Variants in YWHAE observed in about 807,000 individuals in gnomAD.
YWHAE encodes 14-3-3 protein epsilon.
YWHAE carries 4 observed loss-of-function variants against 30.1 expected under a neutral mutation model. The observed-to-expected ratio is 0.13, with a 90% CI of 0.07 to 0.30. The LOEUF (loss-of-function observed/expected upper bound fraction) is 0.30. YWHAE is among the 10% of genes least tolerant of loss of function. The pLI is 1.00. For synonymous variants in YWHAE, 118 were observed against 111.8 expected, an observed-to-expected ratio of 1.06 and a Z score of -0.35; for missense variants, 121 against 315.9, an observed-to-expected ratio of 0.38 and a Z score of 4.68.
chr17:1,365,991 G>GA (rs397830750), intron 1 of YWHAE, among the ~76,000 whole-genome samples: 3 of 151,548 alleles, frequency 2.0e-5, no homozygotes, highest in African/African-American at 7.3e-5. Flanking sequence ...GGCCGAGGTG[G>GA]CACATCACCA....
At chr17:1,395,082 C>T (rs1046885922) in intron 1 of YWHAE, among the ~76,000 whole-genome samples, 2 of 151,676 alleles carry the variant, frequency 1.3e-5, no homozygotes, top group African/African-American at 4.8e-5. Context: ...GTCACCCTTA[C>T]AGTCATCCAT....
intron 1 of YWHAE, chr17:1,399,298 G>A (rs1166980591): frequency 6.6e-6 from 1 of 152,114 alleles, no homozygotes; most frequent in African/African-American, 2.4e-5. Flanking sequence ...GGATTTTCTG[G>A]GCCTCCCCAG....
At chr17:1,363,144 C>G (rs1472751178) in intron 2 of YWHAE, among the ~76,000 whole-genome samples, 2 of 152,146 alleles carry the variant, frequency 1.3e-5, no homozygotes, top group Admixed American at 6.5e-5. Flanking sequence ...CCATGCTGCT[C>G]CATACTAGAA....
chr17:1,391,230 T>C (rs2073385725), intron 1 of YWHAE, among the ~76,000 whole-genome samples: 1 of 152,034 alleles, frequency 6.6e-6, no homozygotes, highest in Admixed American at 6.6e-5. Context: ...GGGAGGGAGC[T>C]AGGAGGAGGA....
intron 1 of YWHAE, among the ~76,000 whole-genome samples, chr17:1,366,071 C>T (rs1406107645): frequency 2.0e-5 from 3 of 151,886 alleles, no homozygotes; most frequent in Non-Finnish European, 4.4e-5. Context: ...CAAAAATTAG[C>T]TGGGCGTGGT....
At chr17:1,360,536 C>A (rs921747590) in intron 4 of YWHAE, among the ~76,000 whole-genome samples, 2 of 151,984 alleles carry the variant, frequency 1.3e-5, no homozygotes, top group Non-Finnish European at 2.9e-5. Flanking sequence ...CGAAGGCGGG[C>A]GGATCACTTG....
chr17:1,355,017 C>G (rs375936621), intron 4 of YWHAE, among the ~76,000 whole-genome samples: 1 of 111,712 alleles, frequency 9.0e-6, no homozygotes, highest in African/African-American at 3.3e-5. Flanking sequence ...GTTATGTTGC[C>G]CAGGCTGGAC....
intron 1 of YWHAE, 74 bp from the exon 2 acceptor site, chr17:1,365,132 T>G (rs553277103): frequency 6.8e-7 from 1 of 1,478,624 alleles, no homozygotes; most frequent in Non-Finnish European, 9.2e-7. Context: ...AAGTAGTTTT[T>G]TTCTGTCAAG....
At chr17:1,386,618 A>G (rs2073303609) in intron 1 of YWHAE, among the ~76,000 whole-genome samples, 2 of 152,200 alleles carry the variant, frequency 1.3e-5, no homozygotes, top group Admixed American at 1.3e-4. Context: ...TACTCTTCAT[A>G]TACCAGCCTA....
At chr17:1,364,819 A>G (rs748961483) in intron 2 of YWHAE, 40 bp downstream of exon 2, 7 of 1,612,692 alleles carry the variant, frequency 4.3e-6, no homozygotes, top group East Asian at 4.5e-5. Flanking sequence ...CAGGTAACTC[A>G]AACTGTGGAT....
intron 2 of YWHAE, among the ~76,000 whole-genome samples, chr17:1,362,990 C>A (rs546117829): frequency 6.7e-4 from 102 of 152,258 alleles, no homozygotes; most frequent in Admixed American, 1.1e-3. Context: ...CAATAGATCT[C>A]TACACCCTTC....
At chr17:1,393,053 G>A (rs549980937) in intron 1 of YWHAE, among the ~76,000 whole-genome samples, 1 of 151,490 alleles carries the variant, frequency 6.6e-6, no homozygotes, top group Non-Finnish European at 1.5e-5. Flanking sequence ...AAACACAAAA[G>A]AAATTAGCTG....
At chr17:1,389,810 G>A (rs1012259813) in intron 1 of YWHAE, among the ~76,000 whole-genome samples, 1 of 151,686 alleles carries the variant, frequency 6.6e-6, no homozygotes, top group Non-Finnish European at 1.5e-5. Flanking sequence ...GATTACAGCC[G>A]TGAGCCACCG....
intron 2 of YWHAE, among the ~76,000 whole-genome samples, chr17:1,362,251 C>T (rs560775624): frequency 1.3e-5 from 2 of 152,084 alleles, no homozygotes; most frequent in Non-Finnish European, 2.9e-5. Context: ...CACGCACACA[C>T]GCCAGCCCCC....
At chr17:1,357,618 A>G (rs1337143069) in intron 4 of YWHAE, among the ~76,000 whole-genome samples, 1 of 151,654 alleles carries the variant, frequency 6.6e-6, no homozygotes, top group Non-Finnish European at 1.5e-5. Context: ...TTGCTACTGC[A>G]ATATTTACTG....
chr17:1,370,365 T>G (rs1315078834), intron 1 of YWHAE, among the ~76,000 whole-genome samples: 1 of 152,010 alleles, frequency 6.6e-6, no homozygotes, highest in East Asian at 2.0e-4. Context: ...TCTCCTGACC[T>G]TGTGATCCGC....
intron 1 of YWHAE, among the ~76,000 whole-genome samples, chr17:1,388,389 G>A (rs543708991): frequency 4.0e-5 from 6 of 151,814 alleles, no homozygotes; most frequent in South Asian, 4.2e-4. Context: ...GGTGGCAGGC[G>A]CCTGTAGTAC....
At chr17:1,385,011 C>G (rs1166520399) in intron 1 of YWHAE, among the ~76,000 whole-genome samples, 2 of 151,456 alleles carry the variant, frequency 1.3e-5, no homozygotes, top group Non-Finnish European at 2.9e-5. Flanking sequence ...TTTGTTTTTT[C>G]TTTTTAGAGG....
At chr17:1,365,277 G>A (rs561259697) in intron 1 of YWHAE, among the ~76,000 whole-genome samples, 2 of 151,962 alleles carry the variant, frequency 1.3e-5, no homozygotes, top group South Asian at 4.2e-4. Context: ...TAGGTGGAGT[G>A]AGAAAGACTT....
Sources: allele counts gnomAD v4.1 joint callset (sites outside exome capture counted in the v4.1 genomes callset), GRCh38; gene constraint gnomAD v4.1.1; transcripts MANE v1.5; gene names NCBI Gene and HGNC (gene_info 2026-07-23, HGNC 2026-07-21).